VAV3: variants seen among roughly 807,000 people sequenced by gnomAD.
The protein encoded by VAV3 is vav guanine nucleotide exchange factor 3.
Under a neutral mutation model 131.2 loss-of-function variants are expected in VAV3, and 94 were observed. That is an observed-to-expected ratio of 0.72 (90% CI 0.61 to 0.85). The LOEUF (loss-of-function observed/expected upper bound fraction) is 0.85. VAV3 is among the 40% of genes least tolerant of loss of function. The probability of loss-of-function intolerance (pLI) is 0.00; values close to 1 mark genes in which losing one functional copy is unlikely to be tolerated. For missense variants in VAV3, 939 were observed against 1,002.7 expected (o/e 0.94, Z 0.86); for synonymous variants, 349 against 342.0 (o/e 1.02, Z -0.22).
intron 5 of VAV3, among the ~76,000 whole-genome samples, chr1:107,771,826 C>T (rs898014354): frequency 2.6e-5 from 4 of 152,200 alleles, no homozygotes; most frequent in Non-Finnish European, 4.4e-5. Context: ...ACAGGAGGCA[C>T]AGATGATATT....
At chr1:107,838,604 G>A (rs1390849875) in intron 2 of VAV3, among the ~76,000 whole-genome samples, 1 of 152,106 alleles carries the variant, frequency 6.6e-6, no homozygotes, top group Non-Finnish European at 1.5e-5. Context: ...CAATTACTGG[G>A]TATACAACCA....
rs78565142 is a variant in VAV3 at position 107,855,923 on chromosome 1, C to T, written c.321+18978G>A. 7.9e-5 allele frequency among the ~76,000 whole-genome samples: 12 copies of T among 152,068 alleles called. No individual in the cohort carries two copies. In the East Asian group the frequency reaches 2.1e-3, roughly 27 times the overall value. On this transcript the variant is annotated intron_variant, in intron 2 of 26. Transcript: ENST00000370056. ...AGAGCACAGGCTCCTTCCACTTCTA[C>T]CCAGAAAACAGTGCAGTGCTTGAGG...
intron 2 of VAV3, among the ~76,000 whole-genome samples, chr1:107,784,832 T>C (rs1385591652): frequency 6.6e-6 from 1 of 152,192 alleles, no homozygotes; most frequent in African/African-American, 2.4e-5. Flanking sequence ...TCCAGATATG[T>C]AAAGGGCTCA....
chr1:107,584,898 TA>T (rs1425238471), intron 25 of VAV3, among the ~76,000 whole-genome samples: 2 of 152,150 alleles, frequency 1.3e-5, no homozygotes, highest in Non-Finnish European at 2.9e-5. Flanking sequence ...AATCTATATT[TA>T]AAAAATATTT....
At chr1:107,669,154 T>C in intron 19 of VAV3, 1 of 1,078,466 alleles carries the variant, frequency 9.3e-7, no homozygotes, top group Non-Finnish European at 1.1e-6. Context: ...TTTCATTCTA[T>C]TTCACCTTAC....
At chr1:107,690,183 T>A (rs369661454) in intron 17 of VAV3, among the ~76,000 whole-genome samples, 28 of 152,228 alleles carry the variant, frequency 1.8e-4, no homozygotes, top group African/African-American at 5.8e-4. Context: ...GAAGTGTTTT[T>A]AGGTCCTTGC....
intron 1 of VAV3, among the ~76,000 whole-genome samples, chr1:107,918,819 C>T (rs1672751823): frequency 6.6e-6 from 1 of 151,292 alleles, no homozygotes; most frequent in South Asian, 2.1e-4. Context: ...AATTCTCTTG[C>T]CTCAGCCTCC....
chr1:107,664,815 T>C (rs906709951), intron 19 of VAV3, among the ~76,000 whole-genome samples: 3 of 152,042 alleles, frequency 2.0e-5, no homozygotes, highest in Non-Finnish European at 1.5e-5. Context: ...GGAATTAAGT[T>C]TAGATGGATG....
chr1:107,887,520 C>A (rs1367312798), intron 1 of VAV3, among the ~76,000 whole-genome samples: 1 of 152,188 alleles, frequency 6.6e-6, no homozygotes, highest in Non-Finnish European at 1.5e-5. Flanking sequence ...GTAAATTCCA[C>A]TATTTTGTCC....
intron 7 of VAV3, among the ~76,000 whole-genome samples, 176 bp from the exon 8 acceptor site, chr1:107,766,726 G>C (rs1282113818): frequency 1.3e-5 from 2 of 152,012 alleles, no homozygotes; most frequent in African/African-American, 2.4e-5. Flanking sequence ...GGAGAGAAAG[G>C]GGGAGGAAGG....
chr1:107,669,259 C>A (rs1415063409), intron 19 of VAV3: 7 of 1,257,488 alleles, frequency 5.6e-6, no homozygotes, highest in Non-Finnish European at 7.2e-6. Flanking sequence ...TCCATAGGAT[C>A]TCTTCTTTAT....
chr1:107,878,889 T>C (rs1298646972), intron 1 of VAV3, among the ~76,000 whole-genome samples: 1 of 152,214 alleles, frequency 6.6e-6, no homozygotes, highest in African/African-American at 2.4e-5. Flanking sequence ...AATTATTCCA[T>C]ATGAGACTTT....
intron 1 of VAV3, among the ~76,000 whole-genome samples, chr1:107,915,084 G>C (rs1488887920): frequency 2.0e-5 from 3 of 152,110 alleles, no homozygotes; most frequent in African/African-American, 7.2e-5. Flanking sequence ...GAATAGTGAG[G>C]GGTTAAAAGG....
At chr1:107,827,711 G>A (rs1392113824) in intron 2 of VAV3, among the ~76,000 whole-genome samples, 1 of 152,162 alleles carries the variant, frequency 6.6e-6, no homozygotes, top group African/African-American at 2.4e-5. Context: ...TAGGTTTTCT[G>A]AGGAATTATG....
intron 7 of VAV3, among the ~76,000 whole-genome samples, chr1:107,768,101 G>C (rs530502769): frequency 4.6e-5 from 7 of 152,152 alleles, no homozygotes; most frequent in Non-Finnish European, 7.4e-5. Context: ...CTGAGGGTCT[G>C]GAAGAGCAAC....
intron 20 of VAV3, among the ~76,000 whole-genome samples, chr1:107,622,780 G>A (rs971473492): frequency 6.6e-6 from 1 of 152,174 alleles, no homozygotes; most frequent in Non-Finnish European, 1.5e-5. Flanking sequence ...ACTTCCCGCT[G>A]TCAGAAATAC....
chr1:107,902,054 A>C (rs568618105), intron 1 of VAV3, among the ~76,000 whole-genome samples: 13 of 151,926 alleles, frequency 8.6e-5, no homozygotes, highest in African/African-American at 2.9e-4. Flanking sequence ...AAAAAAAAAA[A>C]CAAAAAAAAC....
intron 15 of VAV3, among the ~76,000 whole-genome samples, chr1:107,723,325 C>G (rs2494044): frequency 0.92 from 140,235 of 152,004 alleles, 64,793 homozygotes; most frequent in East Asian, 1. Flanking sequence ...TGCTGTGTTG[C>G]TGCCCTTCTG....
intron 25 of VAV3, among the ~76,000 whole-genome samples, chr1:107,588,257 T>C (rs973121792): frequency 1.3e-5 from 2 of 152,190 alleles, no homozygotes; most frequent in African/African-American, 2.4e-5. Context: ...TATGTGGACA[T>C]CATAAATGAA....
Sources: gnomAD v4.1 joint callset for allele counts (sites outside exome capture counted in the v4.1 genomes callset) on GRCh38, gnomAD v4.1.1 for gene constraint, MANE v1.5 for transcripts, NCBI Gene and HGNC (gene_info 2026-07-23, HGNC 2026-07-21) for gene names.